DCUN1D4: variants seen among roughly 807,000 people sequenced by gnomAD.
The protein encoded by DCUN1D4 is defective in cullin neddylation 1 domain containing 4.
Under a neutral mutation model 47.9 loss-of-function variants are expected in DCUN1D4, and 22 were observed. The observed-to-expected ratio is 0.46, with a 90% confidence interval of 0.33 to 0.66. The LOEUF (loss-of-function observed/expected upper bound fraction) is 0.66. DCUN1D4 is among the 30% of genes least tolerant of loss of function. The pLI is 0.02. For missense variants in DCUN1D4, 301 were observed against 340.8 expected, an observed-to-expected ratio of 0.88 and a Z score of 0.92; for synonymous variants, 121 against 112.2, an observed-to-expected ratio of 1.08 and a Z score of -0.50.
intron 6 of DCUN1D4, among the ~76,000 whole-genome samples, chr4:51,888,331 ACT>A (rs1183990312): frequency 6.6e-6 from 1 of 151,996 alleles, no homozygotes; most frequent in Non-Finnish European, 1.5e-5. Flanking sequence ...ACTGACGTTG[ACT>A]CTAACTGAAG....
intron 5 of DCUN1D4, among the ~76,000 whole-genome samples, chr4:51,881,241 T>C (rs1728560542): frequency 6.6e-6 from 1 of 152,212 alleles, no homozygotes; most frequent in African/African-American, 2.4e-5. Context: ...CAACATTGGT[T>C]TTACAGTTAT....
At chr4:51,840,619 G>T (rs1020281786), upstream of DCUN1D4, among the ~76,000 whole-genome samples, 2 of 152,098 alleles carry the variant, frequency 1.3e-5, no homozygotes, top group Non-Finnish European at 2.9e-5. Context: ...TTCATGTACG[G>T]TAAACATTCA....
intron 1 of DCUN1D4, chr4:51,843,804 T>TC (rs1224152609): frequency 4.7e-5 from 1 of 21,204 alleles, no homozygotes; most frequent in African/African-American, 2.1e-4. Flanking sequence ...GGCGGGGGGG[T>TC]GGGGGGGGGG....
intron 3 of DCUN1D4, chr4:51,865,337 G>C (rs550649770): frequency 1.4e-5 from 3 of 207,908 alleles, no homozygotes; most frequent in African/African-American, 2.3e-5. Flanking sequence ...CTAAATGTCT[G>C]TTCACAAGAG....
upstream of DCUN1D4, among the ~76,000 whole-genome samples, chr4:51,838,527 AGCT>A (rs531020519): frequency 7.6e-4 from 116 of 152,230 alleles, no homozygotes; most frequent in African/African-American, 2.7e-3. Context: ...GATTACAGGC[AGCT>A]GCCACCACAC....
chr4:51,849,245 G>T (rs911476363), intron 1 of DCUN1D4, among the ~76,000 whole-genome samples: 5 of 152,170 alleles, frequency 3.3e-5, no homozygotes, highest in African/African-American at 1.2e-4. Flanking sequence ...AGCCCATGTG[G>T]CCATTTTCTG....
chr4:51,834,112 T>C, the DCUN1D4 span, among the ~76,000 whole-genome samples: 16 of 126,514 alleles, frequency 1.3e-4, 1 homozygote, highest in Non-Finnish European at 2.0e-4. Flanking sequence ...TCTTTTTTTT[T>C]TCTTTTTTTT....
Position 51,914,823 on chromosome 4 carries a change from C to CTTTTTTTTTTTTTTTTTTTT in DCUN1D4, c.*1258_*1259insTTTTTTTTTTTTTTTTTTTT, listed in dbSNP as rs71193045. 1 of 117,668 alleles carries CTTTTTTTTTTTTTTTTTTTT rather than the reference C, an allele frequency of 8.5e-6. No individual in the cohort carries two copies. 7.3% of individuals were successfully genotyped at this position (117,668 alleles called of 1,614,324 possible). On this transcript the variant is annotated 3_prime_UTR_variant, in exon 11 of 11. Coordinates refer to ENST00000334635, the MANE Select transcript of DCUN1D4 (RefSeq NM_001040402.3). ...GTATTTTTAGGTTTGTATTTTATGT[C>CTTTTTTTTTTTTTTTTTTTT]TTTTTTTTTTTTTTTTTTTGCCATT...
chr4:51,846,906 C>G (rs1211848010), intron 1 of DCUN1D4, among the ~76,000 whole-genome samples: 1 of 152,184 alleles, frequency 6.6e-6, no homozygotes, highest in African/African-American at 2.4e-5. Flanking sequence ...CACCAGACAT[C>G]ATGCCTGGAT....
At chr4:51,873,140 C>T (rs980040436) in intron 3 of DCUN1D4, among the ~76,000 whole-genome samples, 4 of 152,210 alleles carry the variant, frequency 2.6e-5, no homozygotes, top group African/African-American at 4.8e-5. Context: ...GCACCCTTCA[C>T]GCTCTCCTGT....
rs191590042 is a variant in DCUN1D4 at position 51,852,392 on chromosome 4, A to G, written c.25+9125A>G. Among the ~76,000 whole-genome samples, 215 of 152,358 alleles carry G rather than the reference A, an allele frequency of 1.4e-3. 4 individuals are homozygous for G. The highest frequency in any genetic ancestry group is 4.7e-3 in the African/African-American group (196 of 41,586). ...AAACAACTACTAACATCATTTTTAC[A>G]TAACATTTTTGAAATTATTTTTATT... On this transcript the variant is annotated intron_variant, in intron 1 of 10. Transcript: ENST00000334635.
intron 4 of DCUN1D4, 55 bp from the exon 5 acceptor site, chr4:51,877,708 A>G (rs1727913949): frequency 1.9e-6 from 2 of 1,054,228 alleles, no homozygotes; most frequent in Non-Finnish European, 2.9e-6. Flanking sequence ...ATTATCTGCT[A>G]CTTTAAAGAA....
At chr4:51,844,775 T>C in intron 1 of DCUN1D4, 2 of 960,110 alleles carry the variant, frequency 2.1e-6, no homozygotes, top group Non-Finnish European at 2.5e-6. Flanking sequence ...CCCGCCGAAT[T>C]CTGGGACTTG....
intron 1 of DCUN1D4, chr4:51,843,624 C>T (rs985532763): frequency 2.6e-5 from 30 of 1,139,482 alleles, no homozygotes; most frequent in Non-Finnish European, 3.1e-5. Flanking sequence ...GCGGGCAGGG[C>T]CGGGGATGTG....
chr4:51,878,931 G>T (rs1241020617), intron 5 of DCUN1D4, among the ~76,000 whole-genome samples: 1 of 152,042 alleles, frequency 6.6e-6, no homozygotes, highest in East Asian at 1.9e-4. Context: ...TAAGAGCCTT[G>T]CCCCTGTTGG....
At chr4:51,849,842 TGTGC>T (rs61130066) in intron 1 of DCUN1D4, among the ~76,000 whole-genome samples, 62,756 of 151,284 alleles carry the variant, frequency 0.41, 15,710 homozygotes, top group African/African-American at 0.7. Context: ...TATGTGTGTG[TGTGC>T]GTGCGTGTGT....
intron 8 of DCUN1D4, among the ~76,000 whole-genome samples, chr4:51,899,795 A>G (rs1731824964): frequency 6.6e-6 from 1 of 152,218 alleles, no homozygotes; most frequent in Non-Finnish European, 1.5e-5. Context: ...AATCATGTGA[A>G]TTTTAGACGT....
chr4:51,896,602 A>T (rs959939459), intron 7 of DCUN1D4, among the ~76,000 whole-genome samples: 1 of 152,134 alleles, frequency 6.6e-6, no homozygotes, highest in African/African-American at 2.4e-5. Flanking sequence ...CATTAAAAAA[A>T]TCTAACCCTA....
chr4:51,867,161 G>T (rs1423664136), intron 3 of DCUN1D4, among the ~76,000 whole-genome samples: 1 of 152,264 alleles, frequency 6.6e-6, no homozygotes, highest in East Asian at 1.9e-4. Context: ...TGGACCAGAT[G>T]TACTGCATGT....
Sources: allele counts gnomAD v4.1 joint callset (sites outside exome capture counted in the v4.1 genomes callset), GRCh38; gene constraint gnomAD v4.1.1; transcripts MANE v1.5; gene names NCBI Gene and HGNC (gene_info 2026-07-23, HGNC 2026-07-21).